FANCB: variants seen among roughly 807,000 people sequenced by gnomAD.
FANCB encodes FA complementation group B.
FANCB carries 5 observed loss-of-function variants against 38.9 expected under a neutral mutation model. The ratio of observed to expected loss-of-function variants is 0.13; its 90% CI spans 0.07 to 0.27. FANCB has a LOEUF of 0.27. FANCB is among the 10% of genes least tolerant of loss of function. The pLI is 1.00. For missense variants in FANCB, 573 were observed against 602.7 expected, an observed-to-expected ratio of 0.95 and a Z score of 0.52; for synonymous variants, 236 against 215.4, an observed-to-expected ratio of 1.10 and a Z score of -0.84.
the FANCB span, among the ~76,000 whole-genome samples, chrX:14,806,432 G>A: frequency 2.7e-5 from 3 of 111,980 alleles, no homozygotes; most frequent in Admixed American, 9.5e-5. Context: ...TTGTGTTTGT[G>A]CAGAGTAGTG....
chrX:14,793,411 C>G, the FANCB span, among the ~76,000 whole-genome samples: 3 of 111,837 alleles, frequency 2.7e-5, no homozygotes, highest in Non-Finnish European at 5.6e-5. Flanking sequence ...TATAGGGTTT[C>G]TTTAGGGGCA....
the FANCB span, among the ~76,000 whole-genome samples, chrX:14,720,950 A>C: frequency 9.1e-6 from 1 of 109,467 alleles, no homozygotes; most frequent in South Asian, 4.0e-4. Context: ...TGGACAATAT[A>C]GTGAGACCCC....
chrX:14,707,875 C>T, the FANCB span, among the ~76,000 whole-genome samples: 8 of 110,233 alleles, frequency 7.3e-5, no homozygotes, highest in African/African-American at 1.3e-4. Flanking sequence ...TTAAGGTATA[C>T]GACTTGATGA....
chrX:14,690,663 CTCTCTCTCTCTCTCTGTGTGTGTGTGTG>C, the FANCB span: 18 of 749,379 alleles, frequency 2.4e-5, no homozygotes, highest in Middle Eastern at 7.4e-4. Context: ...CTTTCTTTCT[CTCTCTCTCTCTCTCTGTGTGTGTGTGTG>C]TCTCTCTCTC....
the FANCB span, among the ~76,000 whole-genome samples, chrX:14,756,569 A>T: frequency 5.4e-5 from 6 of 111,862 alleles, no homozygotes; most frequent in South Asian, 1.5e-3. Context: ...ATTAGGCACA[A>T]CTGAAGCCTG....
chrX:14,833,109 A>G (rs2092331486), downstream of FANCB, among the ~76,000 whole-genome samples: 1 of 112,633 alleles, frequency 8.9e-6, no homozygotes, highest in Non-Finnish European at 1.9e-5. Flanking sequence ...AATGTAAAAA[A>G]AGAAAAAGAT....
chrX:14,704,318 C>T, the FANCB span, among the ~76,000 whole-genome samples: 1 of 112,383 alleles, frequency 8.9e-6, no homozygotes. Context: ...TACCTTGAAC[C>T]TTCTTCTTTC....
At chrX:14,828,227 G>T in the FANCB span, among the ~76,000 whole-genome samples, 1 of 111,916 alleles carries the variant, frequency 8.9e-6, no homozygotes, top group Non-Finnish European at 1.9e-5. Flanking sequence ...GGTGGTTGCT[G>T]AATGTTGAGG....
chrX:14,724,212 ACT>A, the FANCB span, among the ~76,000 whole-genome samples: 8 of 111,881 alleles, frequency 7.2e-5, no homozygotes, highest in Non-Finnish European at 1.3e-4. Flanking sequence ...TTTACTTGTT[ACT>A]GTTTCCCCCT....
chrX:14,812,470 T>C, the FANCB span, among the ~76,000 whole-genome samples: 4 of 111,826 alleles, frequency 3.6e-5, no homozygotes, highest in East Asian at 2.8e-4. Flanking sequence ...CAATAAAAAA[T>C]GATAAAGGGG....
the FANCB span, among the ~76,000 whole-genome samples, chrX:14,739,806 A>G: frequency 8.0e-4 from 90 of 112,566 alleles, no homozygotes; most frequent in African/African-American, 2.8e-3. Flanking sequence ...CAGTTTAAAA[A>G]TAACAAGTAA....
In FANCB at chrX:14,843,772, T is replaced by C. The variant is rs1164255510; in HGVS notation, c.2375A>G (p.Lys792Arg). 1 of 1,211,381 alleles carries C rather than the reference T, an allele frequency of 8.3e-7. No homozygotes were observed. The highest frequency in any genetic ancestry group is 1.1e-6 in the Non-Finnish European group (1 of 895,252). The change falls in exon 10 of 10, where the codon AAA (lysine) becomes AGA (arginine). Residue 792 changes from lysine (K) to arginine (R), a missense_variant. Transcript: ENST00000650831. ...AGCCGCGACGACACTACTCTTTCCTTTGCTCACTTCACACCTCTGCATAAA... is the reference window on the plus strand; with the variant it reads ...AGCCGCGACGACACTACTCTTTCCTCTGCTCACTTCACACCTCTGCATAAA... ...SNFMQRCEVSKGKSSVVAAAL... is the reference protein window; with the variant it reads ...SNFMQRCEVSRGKSSVVAAAL...
At chrX:14,796,359 T>C in the FANCB span, among the ~76,000 whole-genome samples, 1 of 99,193 alleles carries the variant, frequency 1.0e-5, no homozygotes, top group Admixed American at 1.1e-4. Flanking sequence ...CAATAGGATA[T>C]ATGTGTATGT....
chrX:14,871,696 G>A (rs1170880175), intron 1 of FANCB, among the ~76,000 whole-genome samples: 1 of 110,726 alleles, frequency 9.0e-6, no homozygotes, highest in Non-Finnish European at 1.9e-5. Flanking sequence ...TAAAAATTAA[G>A]TTGCAGACAA....
the FANCB span, chrX:14,730,719 C>G: frequency 2.7e-6 from 1 of 375,038 alleles, no homozygotes; most frequent in South Asian, 4.6e-5. Flanking sequence ...TAATTCCCTT[C>G]CATAATCTTT....
the FANCB span, among the ~76,000 whole-genome samples, chrX:14,805,034 T>G: frequency 1.8e-5 from 2 of 111,935 alleles, no homozygotes; most frequent in Non-Finnish European, 3.8e-5. Flanking sequence ...CAAGCTCCAG[T>G]CCTGATTTTT....
the FANCB span, among the ~76,000 whole-genome samples, chrX:14,703,526 G>T: frequency 3.6e-5 from 4 of 111,845 alleles, no homozygotes; most frequent in East Asian, 1.1e-3. Flanking sequence ...AATCACATCT[G>T]CAAAGCCCCT....
the FANCB span, among the ~76,000 whole-genome samples, chrX:14,723,430 T>C: frequency 8.9e-6 from 1 of 112,288 alleles, no homozygotes; most frequent in African/African-American, 3.2e-5. Flanking sequence ...TGTAGCTTTG[T>C]AACTTCTTGG....
the FANCB span, chrX:14,731,172 A>T: frequency 8.9e-6 from 1 of 112,447 alleles, no homozygotes; most frequent in East Asian, 2.8e-4. Flanking sequence ...CACCAATGAC[A>T]GAAAAATTTC....
Sources: allele counts gnomAD v4.1 joint callset (sites outside exome capture counted in the v4.1 genomes callset), GRCh38; gene constraint gnomAD v4.1.1; transcripts MANE v1.5; gene names NCBI Gene and HGNC (gene_info 2026-07-23, HGNC 2026-07-21).